Variants in TRIO observed in about 807,000 individuals in gnomAD.
TRIO encodes triple functional domain protein.
In TRIO, 58 loss-of-function variants were observed where a neutral mutation model predicts 351.9. The observed-to-expected ratio is 0.16, with a 90% CI of 0.13 to 0.21. The LOEUF is 0.21. Among genes scored for constraint, TRIO ranks in the 10% least tolerant of loss-of-function variants. The pLI is 1.00. For missense variants in TRIO, 3,201 were observed against 4,027.8 expected (o/e 0.79, Z 5.56); for synonymous variants, 1,758 against 1,595.7 (o/e 1.10, Z -2.42).
intron 33 of TRIO, among the ~76,000 whole-genome samples, chr5:14,407,269 A>T (rs1000348621): frequency 6.6e-6 from 1 of 152,148 alleles, no homozygotes; most frequent in Non-Finnish European, 1.5e-5. Flanking sequence ...GAGTTTCAGA[A>T]GGTCATGCTG....
At chr5:14,149,907 A>C (rs766370287) in intron 1 of TRIO, among the ~76,000 whole-genome samples, 3 of 152,282 alleles carry the variant, frequency 2.0e-5, no homozygotes, top group South Asian at 2.1e-4. Flanking sequence ...TGTCCACGTG[A>C]GTTGATCAGG....
intron 34 of TRIO, among the ~76,000 whole-genome samples, chr5:14,427,861 T>C (rs1289028517): frequency 6.6e-6 from 1 of 152,068 alleles, no homozygotes; most frequent in African/African-American, 2.4e-5. Context: ...ACAACACATA[T>C]AGCCACCAAC....
chr5:14,301,557 G>A (rs1020907738), intron 7 of TRIO, among the ~76,000 whole-genome samples: 2 of 152,114 alleles, frequency 1.3e-5, no homozygotes, highest in Admixed American at 1.3e-4. Context: ...CCCAACCTGG[G>A]TTACTCAGGA....
At chr5:14,239,056 C>G (rs1306826911) in intron 1 of TRIO, among the ~76,000 whole-genome samples, 2 of 152,140 alleles carry the variant, frequency 1.3e-5, no homozygotes, top group African/African-American at 4.8e-5. Context: ...GACGTATAAC[C>G]TAAGATTGTT....
intron 19 of TRIO, among the ~76,000 whole-genome samples, chr5:14,377,269 G>A (rs1377751608): frequency 6.7e-6 from 1 of 148,568 alleles, no homozygotes; most frequent in Non-Finnish European, 1.5e-5. Flanking sequence ...TTTTTTAGAC[G>A]GAGTCTTGCC....
intron 1 of TRIO, among the ~76,000 whole-genome samples, chr5:14,229,932 C>T (rs1321324199): frequency 6.6e-6 from 1 of 152,168 alleles, no homozygotes; most frequent in East Asian, 1.9e-4. Context: ...GTCAGTCTTG[C>T]TGTGAAAAAA....
intron 1 of TRIO, among the ~76,000 whole-genome samples, chr5:14,241,610 A>C (rs1794132618): frequency 6.6e-6 from 1 of 152,222 alleles, no homozygotes. Context: ...GTGGATATAG[A>C]GGCATTGTCA....
intron 40 of TRIO, 58 bp from the exon 41 acceptor site, chr5:14,476,836 A>T: frequency 7.0e-7 from 1 of 1,429,508 alleles, no homozygotes; most frequent in Middle Eastern, 1.8e-4. Context: ...GTAAACCTAA[A>T]TCTAAAATTA....
chr5:14,204,296 G>A (rs917906313), intron 1 of TRIO, among the ~76,000 whole-genome samples: 4 of 152,122 alleles, frequency 2.6e-5, no homozygotes, highest in African/African-American at 2.4e-5. Flanking sequence ...GAGGGTGCCC[G>A]GGGAAGGAGT....
chr5:14,240,407 G>A (rs569186050), intron 1 of TRIO, among the ~76,000 whole-genome samples: 149 of 152,326 alleles, frequency 9.8e-4, no homozygotes, highest in Non-Finnish European at 1.7e-3. Flanking sequence ...TCTTATGTCT[G>A]TGAAAATCAC....
At chr5:14,166,080 A>C (rs1788747620) in intron 1 of TRIO, among the ~76,000 whole-genome samples, 1 of 152,126 alleles carries the variant, frequency 6.6e-6, no homozygotes, top group African/African-American at 2.4e-5. Flanking sequence ...CCATTGCTAA[A>C]CTGTGCTGGA....
At chr5:14,365,644 G>A (rs534688172) in intron 15 of TRIO, among the ~76,000 whole-genome samples, 25 of 152,278 alleles carry the variant, frequency 1.6e-4, no homozygotes, top group African/African-American at 4.6e-4. Context: ...AAGAAATAAC[G>A]GAATAAATAA....
In TRIO at chr5:14,359,620, A is replaced by C. The variant is rs533480519; in HGVS notation, c.2391+89A>C. 1.5e-4 allele frequency: 219 copies of C among 1,479,310 alleles called. 3 individuals carry two copies. The South Asian group carries it at 2.7e-3, about 18-fold the overall frequency. The allele number at this position is 1,479,310 out of a possible 1,614,324, so 91.6% of individuals were successfully genotyped here. On this transcript the variant is annotated intron_variant, in intron 13 of 56. Coordinates refer to ENST00000344204, the MANE Select transcript of TRIO (RefSeq NM_007118.4). ...GCGCCCTCTTGTCTCTGCCCTGCTGAGGTCCTGTGTCCTCACCCACACCCC... is the reference window on the plus strand; with the variant it reads ...GCGCCCTCTTGTCTCTGCCCTGCTGCGGTCCTGTGTCCTCACCCACACCCC...
At chr5:14,366,101 T>C (rs1279109465) in intron 15 of TRIO, among the ~76,000 whole-genome samples, 1 of 152,130 alleles carries the variant, frequency 6.6e-6, no homozygotes, top group African/African-American at 2.4e-5. Flanking sequence ...GGTTTTATTG[T>C]TTAAGCCCTC....
At chr5:14,154,038 A>G (rs1787969627) in intron 1 of TRIO, among the ~76,000 whole-genome samples, 2 of 152,068 alleles carry the variant, frequency 1.3e-5, no homozygotes, top group African/African-American at 4.8e-5. Flanking sequence ...TTTTACGTAA[A>G]TAACCCTAGC....
chr5:14,431,584 A>C (rs894360190), intron 34 of TRIO, among the ~76,000 whole-genome samples: 1 of 151,910 alleles, frequency 6.6e-6, no homozygotes, highest in African/African-American at 2.4e-5. Context: ...GAGGGGAAGA[A>C]TATTAAAGTT....
chr5:14,300,287 G>C (rs1403494295), intron 7 of TRIO, among the ~76,000 whole-genome samples: 1 of 152,180 alleles, frequency 6.6e-6, no homozygotes, highest in Non-Finnish European at 1.5e-5. Flanking sequence ...TCTTTTTACT[G>C]TGACCTCAAG....
chr5:14,319,665 A>G (rs1285025299), intron 9 of TRIO, among the ~76,000 whole-genome samples: 2 of 152,240 alleles, frequency 1.3e-5, no homozygotes, highest in Non-Finnish European at 2.9e-5. Context: ...GAGAAAAAGG[A>G]AGAGCAAGTT....
intron 33 of TRIO, among the ~76,000 whole-genome samples, chr5:14,413,772 G>A (rs1316898428): frequency 1.3e-5 from 2 of 152,288 alleles, no homozygotes; most frequent in East Asian, 3.8e-4. Flanking sequence ...TTAAGTGTTT[G>A]TAAAATAGTA....
Sources: allele counts gnomAD v4.1 joint callset (sites outside exome capture counted in the v4.1 genomes callset), GRCh38; gene constraint gnomAD v4.1.1; transcripts MANE v1.5; gene names NCBI Gene and HGNC (gene_info 2026-07-23, HGNC 2026-07-21).